The following MGAT4C variants were observed in gnomAD, a reference collection of about 807,000 sequenced individuals.
MGAT4C encodes the protein alpha-1,3-mannosyl-glycoprotein 4-beta-N-acetylglucosaminyltransferase C.
In MGAT4C, 19 loss-of-function variants were observed where a neutral mutation model predicts 40.1. The ratio of observed to expected loss-of-function variants is 0.47; its 90% CI spans 0.33 to 0.70. The LOEUF (loss-of-function observed/expected upper bound fraction) is 0.70. Among genes scored for constraint, MGAT4C ranks in the 30% least tolerant of loss-of-function variants. MGAT4C has a pLI of 0.02. For synonymous variants in MGAT4C, 181 were observed against 187.1 expected, an observed-to-expected ratio of 0.97 and a Z score of 0.27; for missense variants, 491 against 563.2, an observed-to-expected ratio of 0.87 and a Z score of 1.30.
intron 3 of MGAT4C, among the ~76,000 whole-genome samples, chr12:86,432,224 C>T (rs1489800415): frequency 6.6e-6 from 1 of 151,908 alleles, no homozygotes; most frequent in East Asian, 1.9e-4. Flanking sequence ...GGAAGAATCA[C>T]AAGGATTGTG....
chr12:86,549,598 C>T (rs1959247912), intron 2 of MGAT4C, among the ~76,000 whole-genome samples: 1 of 152,138 alleles, frequency 6.6e-6, no homozygotes, highest in Non-Finnish European at 1.5e-5. Context: ...AATGCTTCTA[C>T]TTAGAGTGTT....
chr12:86,651,169 T>C (rs1963685384), intron 2 of MGAT4C, among the ~76,000 whole-genome samples: 2 of 151,930 alleles, frequency 1.3e-5, no homozygotes, highest in Admixed American at 1.3e-4. Flanking sequence ...GCTATCCACC[T>C]TTTACAAAAG....
intron 1 of MGAT4C, among the ~76,000 whole-genome samples, chr12:86,226,240 T>C (rs1050805049): frequency 6.6e-6 from 1 of 151,936 alleles, no homozygotes; most frequent in African/African-American, 2.4e-5. Context: ...GGAATTTAAA[T>C]TGAGGTAGGA....
At chr12:86,509,870 A>G (rs1328083817) in intron 2 of MGAT4C, among the ~76,000 whole-genome samples, 1 of 152,032 alleles carries the variant, frequency 6.6e-6, no homozygotes, top group Admixed American at 6.6e-5. Context: ...TTTGTCTGCT[A>G]TTGGTGTATA....
chr12:86,590,904 A>C (rs1399647045), intron 2 of MGAT4C, among the ~76,000 whole-genome samples: 1 of 152,000 alleles, frequency 6.6e-6, no homozygotes, highest in African/African-American at 2.4e-5. Flanking sequence ...TATTCCTGAA[A>C]TGCATCAAGA....
chr12:86,055,927 A>T (rs1027969712), intron 1 of MGAT4C, among the ~76,000 whole-genome samples: 5 of 152,022 alleles, frequency 3.3e-5, no homozygotes, highest in Non-Finnish European at 7.4e-5. Flanking sequence ...CTTCCAGGCT[A>T]TGCAATCACA....
At chr12:86,326,065 G>C (rs1176522453) in intron 4 of MGAT4C, among the ~76,000 whole-genome samples, 1 of 151,880 alleles carries the variant, frequency 6.6e-6, no homozygotes, top group African/African-American at 2.4e-5. Context: ...ATCTGAGCTT[G>C]CCTATTATTT....
intron 4 of MGAT4C, among the ~76,000 whole-genome samples, chr12:86,272,546 C>A (rs1952976035): frequency 6.6e-6 from 1 of 151,894 alleles, no homozygotes; most frequent in Non-Finnish European, 1.5e-5. Context: ...AAAACTAATG[C>A]AATAATGATA....
chr12:86,255,893 T>G (rs2136087202), intron 1 of MGAT4C, among the ~76,000 whole-genome samples: 1 of 152,258 alleles, frequency 6.6e-6, no homozygotes, highest in African/African-American at 2.4e-5. Context: ...TCTTTAATAC[T>G]AATAGAAAAA....
intron 1 of MGAT4C, among the ~76,000 whole-genome samples, chr12:86,219,225 G>T (rs1950787248): frequency 6.6e-6 from 1 of 152,066 alleles, no homozygotes; most frequent in Admixed American, 6.6e-5. Context: ...ATTCAGTGTT[G>T]AGTGTGGACT....
chr12:86,298,246 C>G (rs773294260), intron 4 of MGAT4C, among the ~76,000 whole-genome samples: 20 of 151,898 alleles, frequency 1.3e-4, no homozygotes, highest in Admixed American at 5.2e-4. Flanking sequence ...GGTTAATAAA[C>G]ATAAAATATT....
At chr12:86,191,630 AAAAC>A (rs1423412695) in intron 1 of MGAT4C, among the ~76,000 whole-genome samples, 3 of 77,046 alleles carry the variant, frequency 3.9e-5, no homozygotes, top group African/African-American at 5.8e-5. Context: ...AACAAAAAAC[AAAAC>A]ACACACACAC....
At chr12:86,744,602 T>G (rs1157396544) in intron 1 of MGAT4C, among the ~76,000 whole-genome samples, 1 of 127,224 alleles carries the variant, frequency 7.9e-6, no homozygotes, top group East Asian at 2.3e-4. Context: ...CTTCTCATAA[T>G]GAGGTAAAAA....
chr12:86,755,382 T>A (rs1951285358), intron 1 of MGAT4C, among the ~76,000 whole-genome samples: 1 of 152,080 alleles, frequency 6.6e-6, no homozygotes, highest in Admixed American at 6.6e-5. Flanking sequence ...CTGATTATGG[T>A]TTTCTGGAGA....
At chr12:86,248,948 G>A (rs1952155568) in intron 1 of MGAT4C, among the ~76,000 whole-genome samples, 4 of 152,090 alleles carry the variant, frequency 2.6e-5, no homozygotes, top group South Asian at 2.1e-4. Flanking sequence ...TGTGTTCACT[G>A]TAAATCACAT....
intron 2 of MGAT4C, among the ~76,000 whole-genome samples, chr12:86,521,079 T>A (rs1034962587): frequency 6.6e-6 from 1 of 152,190 alleles, no homozygotes. Flanking sequence ...TTAAATTAGA[T>A]CCCATTTGTC....
At chr12:86,398,525 C>T (rs1465916816) in intron 3 of MGAT4C, among the ~76,000 whole-genome samples, 1 of 151,762 alleles carries the variant, frequency 6.6e-6, no homozygotes, top group African/African-American at 2.4e-5. Flanking sequence ...TACATGTATA[C>T]CATATATATA....
intron 1 of MGAT4C, among the ~76,000 whole-genome samples, chr12:86,160,848 T>G (rs1256223207): frequency 6.6e-6 from 1 of 152,068 alleles, no homozygotes; most frequent in Non-Finnish European, 1.5e-5. Context: ...TCCTTCTTAA[T>G]TTTTACTGGT....
chr12:86,313,690 C>T (rs1954132464), intron 4 of MGAT4C, among the ~76,000 whole-genome samples: 3 of 152,104 alleles, frequency 2.0e-5, no homozygotes, highest in African/African-American at 7.2e-5. Flanking sequence ...ACTAGGTTAA[C>T]TAAATTACGT....
Sources: gnomAD v4.1 joint callset for allele counts (sites outside exome capture counted in the v4.1 genomes callset) on GRCh38, gnomAD v4.1.1 for gene constraint, MANE v1.5 for transcripts, NCBI Gene and HGNC (gene_info 2026-07-23, HGNC 2026-07-21) for gene names.